LCORL: variants seen among roughly 807,000 people sequenced by gnomAD.
The protein encoded by LCORL is ligand-dependent nuclear receptor corepressor-like protein.
Under a neutral mutation model 141.8 loss-of-function variants are expected in LCORL, and 41 were observed. The ratio of observed to expected loss-of-function variants is 0.29; its 90% CI spans 0.23 to 0.38. The LOEUF is 0.38. Among genes scored for constraint, LCORL ranks in the 10% least tolerant of loss-of-function variants. The pLI, the probability that LCORL is intolerant of heterozygous loss-of-function variation, is 1.00. For missense variants in LCORL, 1,759 were observed against 2,035.0 expected, an observed-to-expected ratio of 0.86 and a Z score of 2.61; for synonymous variants, 618 against 694.1, an observed-to-expected ratio of 0.89 and a Z score of 1.72.
intron 4 of LCORL, among the ~76,000 whole-genome samples, chr4:17,947,110 AAG>A (rs1739004060): frequency 1.3e-5 from 2 of 152,016 alleles, no homozygotes; most frequent in Non-Finnish European, 2.9e-5. Context: ...GAATCAAGCT[AAG>A]TGTCCAGCCG....
chr4:17,984,840 A>C (rs1162715490), intron 1 of LCORL, among the ~76,000 whole-genome samples: 2 of 151,904 alleles, frequency 1.3e-5, no homozygotes, highest in Non-Finnish European at 2.9e-5. Context: ...TAGTTCTTTT[A>C]CTTGTGACGT....
chr4:17,975,484 C>G (rs1716767823), intron 1 of LCORL, among the ~76,000 whole-genome samples: 1 of 151,956 alleles, frequency 6.6e-6, no homozygotes, highest in Admixed American at 6.5e-5. Context: ...CAACCTCCAC[C>G]TCCTGGGTAC....
chr4:17,915,594 T>C (rs1189783245), intron 4 of LCORL, among the ~76,000 whole-genome samples: 3 of 152,220 alleles, frequency 2.0e-5, no homozygotes, highest in African/African-American at 7.2e-5. Context: ...CAATAAGCTG[T>C]TAATAGCCAC....
At chr4:17,968,707 AT>A (rs1310105124) in intron 2 of LCORL, among the ~76,000 whole-genome samples, 1 of 152,244 alleles carries the variant, frequency 6.6e-6, no homozygotes, top group Non-Finnish European at 1.5e-5. Flanking sequence ...AAAAGCAGCC[AT>A]AGTCAAGGAA....
At chr4:17,851,589 T>G (rs1389750941) in intron 7 of LCORL, among the ~76,000 whole-genome samples, 1 of 152,248 alleles carries the variant, frequency 6.6e-6, no homozygotes, top group Non-Finnish European at 1.5e-5. Context: ...ATTGATTTTA[T>G]CAGTCCTCAA....
At chr4:17,885,570 A>G (rs921618242) in intron 6 of LCORL, among the ~76,000 whole-genome samples, 1 of 151,906 alleles carries the variant, frequency 6.6e-6, no homozygotes, top group African/African-American at 2.4e-5. Flanking sequence ...TTAATGATTA[A>G]TGACACTTTT....
chr4:17,882,880 T>G (rs1375533380), intron 6 of LCORL: 3 of 976,580 alleles, frequency 3.1e-6, no homozygotes, highest in Non-Finnish European at 3.6e-6. Context: ...GCATTCCAAC[T>G]TTCTTTTCTA....
intron 5 of LCORL, chr4:17,893,502 T>TGCGA: frequency 1.4e-5 from 14 of 985,406 alleles, no homozygotes; most frequent in Non-Finnish European, 1.3e-5. Flanking sequence ...GGCTGAGCAC[T>TGCGA]GCGAGTGTGT....
At chr4:17,922,927 T>A (rs1734524457) in intron 4 of LCORL, among the ~76,000 whole-genome samples, 1 of 152,190 alleles carries the variant, frequency 6.6e-6, no homozygotes, top group South Asian at 2.1e-4. Context: ...CACCTTTGTC[T>A]GAGGAGATTA....
intron 1 of LCORL, among the ~76,000 whole-genome samples, chr4:17,979,710 C>G (rs563659688): frequency 3.9e-5 from 6 of 152,248 alleles, no homozygotes; most frequent in African/African-American, 9.6e-5. Context: ...ATCAAATTCC[C>G]TAAGGCCTAG....
chr4:17,927,786 T>C (rs1368337649), intron 4 of LCORL, among the ~76,000 whole-genome samples: 1 of 152,164 alleles, frequency 6.6e-6, no homozygotes, highest in Non-Finnish European at 1.5e-5. Context: ...ATCACCATAA[T>C]AGATATAATA....
At chr4:18,010,650 A>C (rs57915426) in intron 1 of LCORL, among the ~76,000 whole-genome samples, 1 of 151,658 alleles carries the variant, frequency 6.6e-6, no homozygotes, top group South Asian at 2.1e-4. Context: ...GGGTTTCTGT[A>C]CATGTTGGCC....
chr4:17,947,213 A>G (rs531569192), intron 4 of LCORL, among the ~76,000 whole-genome samples: 1 of 152,126 alleles, frequency 6.6e-6, no homozygotes, highest in Admixed American at 6.5e-5. Context: ...AGCCTTAAAG[A>G]AGGAAATTCT....
At chr4:17,993,257 T>C (rs1028679167) in intron 1 of LCORL, among the ~76,000 whole-genome samples, 3 of 152,172 alleles carry the variant, frequency 2.0e-5, no homozygotes, top group African/African-American at 7.2e-5. Context: ...CAGGCTGGAG[T>C]GCAGTGGCAT....
intron 7 of LCORL, among the ~76,000 whole-genome samples, chr4:17,859,245 G>T (rs1300460291): frequency 6.6e-6 from 1 of 152,074 alleles, no homozygotes; most frequent in Non-Finnish European, 1.5e-5. Flanking sequence ...GAATATTTAG[G>T]GTAGGTGAGG....
intron 2 of LCORL, among the ~76,000 whole-genome samples, chr4:17,963,482 A>C (rs994592348): frequency 6.6e-6 from 1 of 152,034 alleles, no homozygotes; most frequent in Non-Finnish European, 1.5e-5. Context: ...AAAAGCCCAC[A>C]GATTTCAGAA....
chr4:17,905,962 G>A (rs1731542833), intron 5 of LCORL, among the ~76,000 whole-genome samples: 1 of 152,278 alleles, frequency 6.6e-6, no homozygotes, highest in East Asian at 1.9e-4. Context: ...GAAGCTATGT[G>A]AAATATGGGT....
At chr4:17,911,045 T>A (rs1227272267) in intron 4 of LCORL, among the ~76,000 whole-genome samples, 1 of 152,204 alleles carries the variant, frequency 6.6e-6, no homozygotes, top group Non-Finnish European at 1.5e-5. Context: ...GCTAGTTACA[T>A]ATTCTCTCCA....
At position 17,909,150 on chromosome 4, in the gene LCORL, TG is replaced by T; in HGVS notation, c.625del (p.Gln209ArgfsTer5). 6.2e-7 allele frequency: 1 copy of T among 1,613,252 alleles called. No individual in the cohort carries two copies. Among genetic ancestry groups the T allele is most frequent in the Non-Finnish European group, 8.5e-7 (1 of 1,179,516 alleles). ...CACAGTGAGGTCTAAGGGGCCTTCC[TG>T]CTCTTCCTGAAGGGAGTTTTCTGCT... On this transcript the variant is annotated frameshift_variant, in exon 5 of 8. Coordinates refer to ENST00000635767, the Ensembl canonical transcript of LCORL. LOFTEE classifies it high-confidence loss of function.
Sources: gnomAD v4.1 joint callset for allele counts (sites outside exome capture counted in the v4.1 genomes callset) on GRCh38, gnomAD v4.1.1 for gene constraint, MANE v1.5 for transcripts, NCBI Gene and HGNC (gene_info 2026-07-23, HGNC 2026-07-21) for gene names.